Variants in ADAMTS17 observed in about 807,000 individuals in gnomAD.
ADAMTS17 encodes A disintegrin and metalloproteinase with thrombospondin motifs 17.
ADAMTS17 carries 113 observed loss-of-function variants against 141.5 expected under a neutral mutation model. That is an observed-to-expected ratio of 0.80 (90% CI 0.69 to 0.93). ADAMTS17 has a LOEUF of 0.93. Ranked by LOEUF, ADAMTS17 falls within the 40% of genes least tolerant of loss-of-function variation. The pLI is 0.00. For missense variants in ADAMTS17, 1,659 were observed against 1,517.9 expected (o/e 1.09, Z -1.54); for synonymous variants, 768 against 630.6 (o/e 1.22, Z -3.27).
At chr15:100,049,047 G>T in intron 17 of ADAMTS17, 55 bp from the exon 18 acceptor site, 1 of 1,613,540 alleles carries the variant, frequency 6.2e-7, no homozygotes, top group South Asian at 1.1e-5. Flanking sequence ...ACGTGGAAAG[G>T]CTGGGCTTGC....
intron 6 of ADAMTS17, among the ~76,000 whole-genome samples, chr15:100,258,468 T>C (rs2043402268): frequency 6.6e-6 from 1 of 151,944 alleles, no homozygotes. Context: ...AAGAAAGAGG[T>C]TTAATGCACT....
chr15:100,105,407 G>A (rs546730034), intron 14 of ADAMTS17, among the ~76,000 whole-genome samples: 1 of 152,336 alleles, frequency 6.6e-6, no homozygotes, highest in East Asian at 1.9e-4. Context: ...GATGACAATG[G>A]TGGAGGCACT....
At chr15:100,334,614 C>T (rs969142749) in intron 2 of ADAMTS17, among the ~76,000 whole-genome samples, 4 of 152,200 alleles carry the variant, frequency 2.6e-5, no homozygotes, top group African/African-American at 7.2e-5. Context: ...GGTGGGCACG[C>T]ACCTCTTTCC....
intron 20 of ADAMTS17, among the ~76,000 whole-genome samples, chr15:99,985,326 GCA>G (rs950310294): frequency 2.0e-5 from 3 of 152,242 alleles, no homozygotes; most frequent in African/African-American, 7.2e-5. Flanking sequence ...TGCTGCCATG[GCA>G]CAGTTTCATG....
At chr15:100,199,215 A>G in intron 8 of ADAMTS17, 103 bp downstream of exon 8, 1 of 1,112,620 alleles carries the variant, frequency 9.0e-7, no homozygotes. Flanking sequence ...GATGCAGCAA[A>G]GGCATAGAGC....
chr15:100,292,403 ACACTCACCCCGTTAGAG>A, intron 3 of ADAMTS17, among the ~76,000 whole-genome samples: 2 of 151,294 alleles, frequency 1.3e-5, no homozygotes, highest in African/African-American at 4.9e-5. Flanking sequence ...ATTACGAGAG[ACACTCACCCCGTTAGAG>A]ACACTCACCC....
At chr15:100,096,215 G>T in intron 15 of ADAMTS17, 141 bp downstream of exon 15, 1 of 1,435,328 alleles carries the variant, frequency 7.0e-7, no homozygotes, top group Non-Finnish European at 9.5e-7. Context: ...TTGCTTTTCA[G>T]AAATGAAACT....
intron 15 of ADAMTS17, among the ~76,000 whole-genome samples, chr15:100,068,527 A>C (rs1459363681): frequency 2.0e-5 from 3 of 152,178 alleles, no homozygotes; most frequent in Non-Finnish European, 4.4e-5. Flanking sequence ...GACACCTCAC[A>C]CAGCTGGGTA....
intron 15 of ADAMTS17, among the ~76,000 whole-genome samples, chr15:100,056,403 T>C (rs2032570257): frequency 6.6e-6 from 1 of 151,428 alleles, no homozygotes; most frequent in Admixed American, 6.6e-5. Context: ...GGGACTGGTT[T>C]CGTGGAAGGC....
intron 8 of ADAMTS17, among the ~76,000 whole-genome samples, chr15:100,178,254 G>C (rs984771444): frequency 6.6e-6 from 1 of 151,962 alleles, no homozygotes; most frequent in Admixed American, 6.6e-5. Context: ...CATCCTGTGG[G>C]TTACTTGAAC....
At chr15:100,224,388 C>T (rs2042235067) in intron 7 of ADAMTS17, among the ~76,000 whole-genome samples, 1 of 152,166 alleles carries the variant, frequency 6.6e-6, no homozygotes, top group African/African-American at 2.4e-5. Context: ...CGGTAACTTC[C>T]TCCTTTGCAG....
At chr15:100,185,923 C>T (rs1309674691) in intron 8 of ADAMTS17, among the ~76,000 whole-genome samples, 1 of 152,132 alleles carries the variant, frequency 6.6e-6, no homozygotes, top group Non-Finnish European at 1.5e-5. Context: ...TCTTCATTTC[C>T]GAAGATGAGG....
intron 18 of ADAMTS17, among the ~76,000 whole-genome samples, chr15:100,014,609 C>T (rs577855226): frequency 6.6e-6 from 1 of 152,186 alleles, no homozygotes; most frequent in African/African-American, 2.4e-5. Flanking sequence ...TCTTCATTTC[C>T]TTTTTGACCC....
At chr15:99,974,736 T>C (rs939039374) in intron 21 of ADAMTS17, among the ~76,000 whole-genome samples, 174 bp from the exon 22 acceptor site, 3 of 152,236 alleles carry the variant, frequency 2.0e-5, no homozygotes, top group African/African-American at 7.2e-5. Flanking sequence ...GGTGCCACTT[T>C]CTGTCACAGG....
intron 15 of ADAMTS17, among the ~76,000 whole-genome samples, chr15:100,062,150 C>A (rs541449825): frequency 5.3e-5 from 8 of 152,142 alleles, no homozygotes; most frequent in African/African-American, 1.4e-4. Context: ...GAGTGCCAGG[C>A]GAGGCAGGGA....
intron 7 of ADAMTS17, among the ~76,000 whole-genome samples, chr15:100,220,435 G>C (rs550501529): frequency 6.6e-6 from 1 of 152,278 alleles, no homozygotes; most frequent in East Asian, 1.9e-4. Flanking sequence ...ACAGTAACAT[G>C]ATCAGCTCTA....
At position 100,063,621 on chromosome 15, in the gene ADAMTS17, T is replaced by G. The variant is rs540127451; in HGVS notation, c.2138-9567A>C. ...ATGACACTGAACCAATTTACCAGAC[T>G]GATCATCAAAATCGATTCTCAACAC... On this transcript the variant is annotated intron_variant, in intron 15 of 21. Transcript: ENST00000268070. 98 of 1,275,162 alleles carry G rather than the reference T, an allele frequency of 7.7e-5. No individual in the cohort carries two copies. The South Asian group carries it at 1.1e-3, about 15-fold the overall frequency. 79.0% of individuals were successfully genotyped at this position (1,275,162 alleles called of 1,614,324 possible).
chr15:100,216,846 G>A (rs55676336), intron 7 of ADAMTS17, among the ~76,000 whole-genome samples: 17,720 of 152,160 alleles, frequency 0.12, 1,218 homozygotes, highest in East Asian at 0.28. Flanking sequence ...TAATAATTAA[G>A]TAACAATATT....
At chr15:100,294,354 A>G (rs966813606) in intron 3 of ADAMTS17, among the ~76,000 whole-genome samples, 2 of 152,098 alleles carry the variant, frequency 1.3e-5, no homozygotes, top group Admixed American at 6.5e-5. Context: ...TGCCTTCCGT[A>G]TTTCCTACTC....
Sources: allele counts gnomAD v4.1 joint callset (sites outside exome capture counted in the v4.1 genomes callset), GRCh38; gene constraint gnomAD v4.1.1; transcripts MANE v1.5; gene names NCBI Gene and HGNC (gene_info 2026-07-23, HGNC 2026-07-21).